Variants in KIF26A observed in about 807,000 individuals in gnomAD.
The protein encoded by KIF26A is kinesin family member 26A.
KIF26A carries 74 observed loss-of-function variants against 126.0 expected under a neutral mutation model. The observed-to-expected ratio is 0.59, with a 90% CI of 0.49 to 0.71. KIF26A has a LOEUF of 0.71. KIF26A is among the 30% of genes least tolerant of loss of function. KIF26A has a pLI of 0.00. For synonymous variants in KIF26A, 1,445 were observed against 1,232.7 expected, an observed-to-expected ratio of 1.17 and a Z score of -3.61; for missense variants, 2,984 against 2,763.3, an observed-to-expected ratio of 1.08 and a Z score of -1.79.
chr14:104,160,185 G>A (rs1323794048), intron 4 of KIF26A, among the ~76,000 whole-genome samples: 2 of 152,190 alleles, frequency 1.3e-5, no homozygotes, highest in African/African-American at 2.4e-5. Context: ...GCCTCTCAGG[G>A]AGCGGGCTTT....
Position 104,177,039 on chromosome 14 carries a change from C to A in KIF26A, c.4251C>A (p.Ser1417=). ...RADHSVPRAT[S]SLKARASKVE... The stretch of plus-strand genomic sequence containing the variant: ...ACCACTCTGTCCCCAGGGCCACGTC[C>A]AGCCTGAAGGCCCGGGCCAGCAAGG... The change falls in exon 12 of 15, where the codon TCC becomes TCA. Residue 1417 remains serine, a synonymous_variant. Transcript: ENST00000423312. 1 of 1,579,506 alleles carries A rather than the reference C, an allele frequency of 6.3e-7. No homozygotes were observed. The highest frequency in any genetic ancestry group is 8.5e-7 in the Non-Finnish European group (1 of 1,171,278).
At chr14:104,161,215 A>G (rs1459527144) in intron 4 of KIF26A, among the ~76,000 whole-genome samples, 2 of 149,024 alleles carry the variant, frequency 1.3e-5, no homozygotes, top group Non-Finnish European at 3.0e-5. Flanking sequence ...TCCCCTTCGC[A>G]GGTCTGCAGG....
intron 4 of KIF26A, among the ~76,000 whole-genome samples, chr14:104,159,515 C>T (rs2037813824): frequency 6.6e-6 from 1 of 152,204 alleles, no homozygotes; most frequent in Admixed American, 6.5e-5. Context: ...GCGTTGGTGA[C>T]CTGGAGCCCA....
At chr14:104,171,261 C>T (rs2037953990) in intron 5 of KIF26A, among the ~76,000 whole-genome samples, 1 of 152,228 alleles carries the variant, frequency 6.6e-6, no homozygotes, top group African/African-American at 2.4e-5. Flanking sequence ...CAGCGCCAGC[C>T]CTCTGCGGCT....
In KIF26A at chr14:104,175,843, A is replaced by T. The variant is rs925194619; in HGVS notation, c.3055A>T (p.Thr1019Ser). 3 of 1,538,742 alleles carry T rather than the reference A, an allele frequency of 1.9e-6. No homozygotes were observed. Among genetic ancestry groups the T allele is most frequent in the Non-Finnish European group, 1.7e-6 (2 of 1,147,260 alleles). ...PERGLLTTTV[T>S]LQRPVELNGE... is the part of the protein sequence containing the mutation. ...GCGGGGCCTGCTCACCACCACAGTG[A>T]CCCTGCAGCGGCCAGTGGAGCTCAA... The change falls in exon 12 of 15, where the codon ACC becomes TCC. Residue 1019 changes from threonine to serine, a missense_variant. Coordinates refer to ENST00000423312, the MANE Select transcript of KIF26A (RefSeq NM_015656.2).
At chr14:104,139,985 C>T (rs557218365) in intron 2 of KIF26A, among the ~76,000 whole-genome samples, 2 of 152,282 alleles carry the variant, frequency 1.3e-5, no homozygotes, top group African/African-American at 4.8e-5. Flanking sequence ...ACCATTGTTC[C>T]AGGAACAATG....
At chr14:104,172,518 C>A in intron 6 of KIF26A, 57 bp from the exon 7 acceptor site, 1 of 1,372,334 alleles carries the variant, frequency 7.3e-7, no homozygotes, top group Non-Finnish European at 1.0e-6. Context: ...GCCTCAGGCC[C>A]ACAGACGTGG....
At chr14:104,167,590 G>A (rs1224714744) in intron 5 of KIF26A, among the ~76,000 whole-genome samples, 1 of 152,214 alleles carries the variant, frequency 6.6e-6, no homozygotes, top group Non-Finnish European at 1.5e-5. Flanking sequence ...TGTCCCTGGA[G>A]CTCTGAGCCT....
rs546690369 is a variant in KIF26A, at chr14:104,159,532, C to T, written c.923+1590C>T. Among the ~76,000 whole-genome samples, 319 of 152,362 alleles carry T rather than the reference C, an allele frequency of 2.1e-3. 1 individual carries two copies. Among genetic ancestry groups the T allele is most frequent in the African/African-American group, 7.4e-3 (307 of 41,594 alleles). On this transcript the variant is annotated intron_variant, in intron 4 of 14. Coordinates refer to ENST00000423312, the MANE Select transcript of KIF26A (RefSeq NM_015656.2). Reference sequence around the variant, plus strand: ...GTTGGTGACCTGGAGCCCAGCAGAGCGGCCCTGGCTGCCTTTTGTTTGGGA... The same window carrying T: ...GTTGGTGACCTGGAGCCCAGCAGAGTGGCCCTGGCTGCCTTTTGTTTGGGA...
Position 104,152,209 on chromosome 14 carries a change from C to T in KIF26A, c.483C>T (p.Leu161=), listed in dbSNP as rs146042385. The T allele has an allele frequency of 3.1e-5, 49 of 1,602,640 alleles. No homozygotes were observed. The highest frequency in any genetic ancestry group is 5.6e-5 in the South Asian group (5 of 89,628). ...ACGCCCCCCATGGAGGCCCCAGCCTCGCACCCCCCAGCACCACGACCAGCT... is the reference window on the plus strand; with the variant it reads ...ACGCCCCCCATGGAGGCCCCAGCCTTGCACCCCCCAGCACCACGACCAGCT... The part of the protein sequence containing the change: ...DLDAPHGGPS[L]APPSTTTSSR... Residue 161 remains leucine, a synonymous_variant, in exon 3 of 15, where the codon CTC becomes CTT. Transcript: ENST00000423312. This position sits in a 1 kb window ranked among gnomAD's most constrained non-coding sequence, Gnocchi z 5.9.
Position 104,152,057 on chromosome 14 carries a change from C to G in KIF26A, c.331C>G (p.Pro111Ala), listed in dbSNP as rs2037734155. ...CCTGCTTCTCGACAAGCTACCAGCACCTGGGGCCCTGCCAGCCTGTCGCCC... is the reference window on the plus strand; with the variant it reads ...CCTGCTTCTCGACAAGCTACCAGCAGCTGGGGCCCTGCCAGCCTGTCGCCC... ...SALLLDKLPAPGALPACRPEA... is the reference protein window; with the variant it reads ...SALLLDKLPAAGALPACRPEA... Residue 111 changes from proline to alanine, a missense_variant, in exon 3 of 15, where the codon CCT becomes GCT. Transcript: ENST00000423312. The surrounding 1 kb of genome is among the most constrained non-coding windows in gnomAD (Gnocchi z 5.9). The G allele has an allele frequency of 6.2e-7, 1 of 1,612,510 alleles. No homozygotes were observed.
At chr14:104,158,011 G>T in intron 4 of KIF26A, 69 bp downstream of exon 4, 1 of 1,399,450 alleles carries the variant, frequency 7.1e-7, no homozygotes. Flanking sequence ...GGCCCCTGGG[G>T]ACCTATGGGC....
In KIF26A at chr14:104,151,791, G is replaced by A. The variant is rs991160637; in HGVS notation, c.289-224G>A. 3.3e-5 allele frequency among the ~76,000 whole-genome samples: 5 copies of A among 152,246 alleles called. No individual in the cohort carries two copies. The highest frequency in any genetic ancestry group is 6.5e-5 in the Admixed American group (1 of 15,290). On this transcript the variant is annotated intron_variant, in intron 2 of 14. Coordinates refer to ENST00000423312, the MANE Select transcript of KIF26A (RefSeq NM_015656.2). This position sits in a 1 kb window ranked among gnomAD's most constrained non-coding sequence, Gnocchi z 4.9. ...GCGCTTAATGACGGCTGGGGAAGGT[G>A]GACAGTTAACAAGGACATTGTGAGC... is the stretch of plus-strand genomic sequence containing the variant.
In KIF26A at chr14:104,152,678, A is replaced by G. The variant is rs2037741689; in HGVS notation, c.735+217A>G. 1.3e-5 allele frequency among the ~76,000 whole-genome samples: 2 copies of G among 152,178 alleles called. No individual in the cohort carries two copies. The highest frequency in any genetic ancestry group is 4.1e-4 in the South Asian group (2 of 4,826). ...CTCAGGTCCCTGCCTGACTCAGGGAATACCTTCTCTGGGAGCACGTGCCCC... is the reference window on the plus strand; with the variant it reads ...CTCAGGTCCCTGCCTGACTCAGGGAGTACCTTCTCTGGGAGCACGTGCCCC... On this transcript the variant is annotated intron_variant, in intron 3 of 14. Transcript: ENST00000423312. This position sits in a 1 kb window ranked among gnomAD's most constrained non-coding sequence, Gnocchi z 5.9.
Position 104,173,485 on chromosome 14 carries a change from C to T in KIF26A, c.1839C>T (p.Tyr613=), listed in dbSNP as rs778780108. The part of the protein sequence containing the change: ...HMLFTLHVYQ[Y]RMEKCGRGGM... ...TGTTCACGCTGCACGTCTACCAGTA[C>T]CGCATGGAGAAGTGCGGCCGGGGAG... The change falls in exon 9 of 15, where the codon TAC becomes TAT. Residue 613 remains tyrosine (Y), a synonymous_variant. Transcript: ENST00000423312. 4 of 1,577,572 alleles carry T rather than the reference C, an allele frequency of 2.5e-6. No individual in the cohort carries two copies. Among genetic ancestry groups the T allele is most frequent in the Non-Finnish European group, 3.5e-6 (4 of 1,158,038 alleles).
intron 2 of KIF26A, among the ~76,000 whole-genome samples, chr14:104,141,390 T>C (rs994968457): frequency 6.6e-6 from 1 of 152,262 alleles, no homozygotes; most frequent in Admixed American, 6.5e-5. Context: ...TACAGGGAAC[T>C]TCACAATCAT....
Position 104,175,449 on chromosome 14 carries a change from G to A in KIF26A, c.2661G>A (p.Arg887=), listed in dbSNP as rs950188727. The change falls in exon 12 of 15, where the codon AGG becomes AGA. Residue 887 remains arginine, a synonymous_variant. Coordinates refer to ENST00000423312, the MANE Select transcript of KIF26A (RefSeq NM_015656.2). ...CGCCACCAGAGGCTGCATCCCCCAG[G>A]AAGGCCGTGGGCACCCCGATGGCTG... ...KPSPPEAASP[R]KAVGTPMAAS... 1.3e-6 allele frequency: 2 copies of A among 1,592,068 alleles called. No individual in the cohort carries two copies. Among genetic ancestry groups the A allele is most frequent in the African/African-American group, 2.7e-5 (2 of 74,742 alleles).
intron 2 of KIF26A, among the ~76,000 whole-genome samples, chr14:104,139,596 G>C (rs1045264269): frequency 3.3e-5 from 5 of 152,168 alleles, no homozygotes; most frequent in Non-Finnish European, 7.4e-5. Context: ...GGGAGAGAGC[G>C]GATGGCAGGG....
At chr14:104,161,708 T>C (rs2037834290) in intron 4 of KIF26A, among the ~76,000 whole-genome samples, 1 of 152,184 alleles carries the variant, frequency 6.6e-6, no homozygotes, top group African/African-American at 2.4e-5. Context: ...GACATAGCTG[T>C]GTAAACTGGT....
Sources: allele counts gnomAD v4.1 joint callset (sites outside exome capture counted in the v4.1 genomes callset), GRCh38; gene constraint gnomAD v4.1.1; non-coding constraint Gnocchi (gnomAD v3.1); transcripts MANE v1.5; gene names NCBI Gene and HGNC (gene_info 2026-07-23, HGNC 2026-07-21).